USH2A: variants seen among roughly 807,000 people sequenced by gnomAD.
The protein encoded by USH2A is usherin.
Under a neutral mutation model 538.9 loss-of-function variants are expected in USH2A, and 443 were observed. The observed-to-expected ratio is 0.82, with a 90% confidence interval of 0.76 to 0.89. The LOEUF (loss-of-function observed/expected upper bound fraction) is 0.89, where lower values mean the gene tolerates loss of function less well. Among genes scored for constraint, USH2A ranks in the 40% least tolerant of loss-of-function variants. The pLI is 0.00. For synonymous variants in USH2A, 2,413 were observed against 2,273.5 expected (o/e 1.06, Z -1.75); for missense variants, 6,633 against 6,324.8 (o/e 1.05, Z -1.65).
At chr1:216,342,642 G>A (rs1326896088) in intron 4 of USH2A, among the ~76,000 whole-genome samples, 2 of 152,088 alleles carry the variant, frequency 1.3e-5, no homozygotes, top group African/African-American at 2.4e-5. Context: ...ATACACCAAG[G>A]AAAACTATGC....
In USH2A at chr1:215,743,158, G is replaced by A. The variant is rs2102727294; in HGVS notation, c.11548+19C>T. 2 of 1,606,172 alleles carry A rather than the reference G, an allele frequency of 1.2e-6. No individual in the cohort carries two copies. Among genetic ancestry groups the A allele is most frequent in the Non-Finnish European group, 1.7e-6 (2 of 1,175,328 alleles). ...ACTTTTTCATAAAAGCCCAGGCCAA[G>A]TGTCTGAAAGACTTTCACCATTTTG... On this transcript the variant is annotated intron_variant, in intron 59 of 71. Coordinates refer to ENST00000307340, the MANE Select transcript of USH2A (RefSeq NM_206933.4).
intron 20 of USH2A, among the ~76,000 whole-genome samples, chr1:216,179,258 C>A (rs1038064745): frequency 3.9e-5 from 6 of 152,060 alleles, no homozygotes; most frequent in Admixed American, 3.9e-4. Flanking sequence ...GGAATTCTGG[C>A]AACTCTGTCG....
chr1:215,653,967 A>G (rs761903474), intron 64 of USH2A, among the ~76,000 whole-genome samples: 1 of 152,200 alleles, frequency 6.6e-6, no homozygotes, highest in Non-Finnish European at 1.5e-5. Flanking sequence ...AATAAATAAA[A>G]TATCTTGTGA....
chr1:216,144,862 TCAA>T (rs1265260137), intron 21 of USH2A, among the ~76,000 whole-genome samples: 2 of 152,174 alleles, frequency 1.3e-5, no homozygotes, highest in Non-Finnish European at 2.9e-5. Context: ...TCTCAGGTCT[TCAA>T]CTTCCATTCA....
chr1:216,069,969 G>A (rs757243732), intron 30 of USH2A, 132 bp downstream of exon 30: 51 of 1,100,102 alleles, frequency 4.6e-5, no homozygotes, highest in Middle Eastern at 4.2e-4. Context: ...TTAGATGGGT[G>A]TTGTTTTTAA....
intron 10 of USH2A, among the ~76,000 whole-genome samples, chr1:216,290,987 T>G (rs2036989306): frequency 1.3e-5 from 2 of 152,192 alleles, no homozygotes; most frequent in South Asian, 4.1e-4. Context: ...CTGACATTAT[T>G]TCTCACCTGG....
At chr1:216,020,813 G>A (rs1276995889) in intron 32 of USH2A, among the ~76,000 whole-genome samples, 1 of 152,156 alleles carries the variant, frequency 6.6e-6, no homozygotes, top group Non-Finnish European at 1.5e-5. Flanking sequence ...AACAGAATTT[G>A]AGGAGGTTTG....
intron 32 of USH2A, among the ~76,000 whole-genome samples, chr1:216,026,359 T>C (rs1668964722): frequency 6.6e-6 from 1 of 152,170 alleles, no homozygotes; most frequent in South Asian, 2.1e-4. Flanking sequence ...TTTGTAGCCA[T>C]GGATGGCATC....
chr1:216,381,692 T>A (rs2102734118), intron 3 of USH2A, among the ~76,000 whole-genome samples: 1 of 152,324 alleles, frequency 6.6e-6, no homozygotes, highest in Non-Finnish European at 1.5e-5. Flanking sequence ...AATGCAGCGG[T>A]CTCATTAATT....
At chr1:216,241,132 T>C (rs1222321983) in intron 13 of USH2A, among the ~76,000 whole-genome samples, 2 of 152,158 alleles carry the variant, frequency 1.3e-5, no homozygotes, top group African/African-American at 2.4e-5. Context: ...TGAATACTGA[T>C]TTAACCAAAT....
intron 64 of USH2A, among the ~76,000 whole-genome samples, chr1:215,662,810 C>T (rs751981590): frequency 6.6e-6 from 1 of 152,162 alleles, no homozygotes. Flanking sequence ...CAGACAAAAA[C>T]CTCCATGCTG....
At chr1:216,056,023 T>A (rs2030964315) in intron 30 of USH2A, among the ~76,000 whole-genome samples, 1 of 152,196 alleles carries the variant, frequency 6.6e-6, no homozygotes, top group Non-Finnish European at 1.5e-5. Flanking sequence ...AAATATGTGG[T>A]CTAATCCCAG....
At position 216,060,009 on chromosome 1, in the gene USH2A, T is replaced by G. The variant is rs191117362; in HGVS notation, c.6049+10092A>C. Among the ~76,000 whole-genome samples, 159 of 150,330 alleles carry G rather than the reference T, an allele frequency of 1.1e-3. 1 individual carries two copies. The highest frequency in any genetic ancestry group is 5.8e-3 in the South Asian group (28 of 4,822). ...TGGGGTTCAGGGGTCCTACTGACAC[T>G]GCCTCTCTTTCTTCACTTGCCTTGG... On this transcript the variant is annotated intron_variant, in intron 30 of 71. Transcript: ENST00000307340.
chr1:215,780,095 T>C (rs183650641), intron 54 of USH2A, 54 bp from the exon 55 acceptor site: 2 of 1,582,684 alleles, frequency 1.3e-6, no homozygotes, highest in Admixed American at 1.7e-5. Context: ...CTAGCTATCC[T>C]GATCAATGAG....
intron 3 of USH2A, among the ~76,000 whole-genome samples, chr1:216,413,054 C>A (rs1403437076): frequency 6.6e-6 from 1 of 151,996 alleles, no homozygotes; most frequent in Non-Finnish European, 1.5e-5. Context: ...TGAAAAACTT[C>A]ATTATATTCT....
intron 55 of USH2A, among the ~76,000 whole-genome samples, chr1:215,778,691 C>T (rs1173268658): frequency 6.6e-6 from 1 of 152,094 alleles, no homozygotes; most frequent in East Asian, 1.9e-4. Context: ...AGGAGGTCAT[C>T]CACTCAGGAA....
intron 32 of USH2A, among the ~76,000 whole-genome samples, chr1:216,035,669 A>C (rs2029898660): frequency 6.6e-6 from 1 of 152,202 alleles, no homozygotes; most frequent in Admixed American, 6.5e-5. Flanking sequence ...GCTACAGGAA[A>C]GCCTACCTCA....
rs1198333334 is a variant in USH2A, at chr1:215,745,340, T to C, written c.11390-2005A>G. Among the ~76,000 whole-genome samples the C allele has an allele frequency of 3.3e-5, 5 of 152,180 alleles. No homozygotes were observed. The South Asian group carries it at 8.3e-4, about 25-fold the overall frequency. The stretch of plus-strand genomic sequence containing the variant: ...AATGATAACACTGTTGGGAAATGAA[T>C]AGTGGCTTAAAAACATGAGAGACAA... On this transcript the variant is annotated intron_variant, in intron 58 of 71. Coordinates refer to ENST00000307340, the MANE Select transcript of USH2A (RefSeq NM_206933.4).
chr1:216,343,504 C>T (rs927892442), intron 4 of USH2A, among the ~76,000 whole-genome samples: 15 of 144,672 alleles, frequency 1.0e-4, no homozygotes, highest in South Asian at 2.2e-4. Flanking sequence ...CCAGCCTGGG[C>T]GACAAAGCAA....
Sources: allele counts gnomAD v4.1 joint callset (sites outside exome capture counted in the v4.1 genomes callset), GRCh38; gene constraint gnomAD v4.1.1; transcripts MANE v1.5; gene names NCBI Gene and HGNC (gene_info 2026-07-23, HGNC 2026-07-21).